The following FOXP2 variants were observed in gnomAD, a reference collection of about 807,000 sequenced individuals.
The protein encoded by FOXP2 is forkhead box protein P2.
A neutral mutation model predicts 115.8 loss-of-function variants in FOXP2; 12 were observed. The observed-to-expected ratio is 0.10, with a 90% confidence interval of 0.07 to 0.17. FOXP2 has a LOEUF of 0.17. Ranked by LOEUF, FOXP2 falls within the 10% of genes least tolerant of loss-of-function variation. The pLI, the probability that FOXP2 is intolerant of heterozygous loss-of-function variation, is 1.00. For missense variants in FOXP2, 629 were observed against 843.5 expected, an observed-to-expected ratio of 0.75 and a Z score of 3.15; for synonymous variants, 328 against 297.7, an observed-to-expected ratio of 1.10 and a Z score of -1.05.
intron 2 of FOXP2, among the ~76,000 whole-genome samples, chr7:114,428,756 T>G (rs1308290590): frequency 6.6e-6 from 1 of 151,528 alleles, no homozygotes; most frequent in African/African-American, 2.4e-5. Flanking sequence ...AACATATCTT[T>G]TCTATAAAAT....
intron 3 of FOXP2, among the ~76,000 whole-genome samples, chr7:114,611,932 G>A (rs1803650449): frequency 1.3e-5 from 2 of 152,066 alleles, no homozygotes; most frequent in African/African-American, 4.8e-5. Context: ...AGGTGAGGAG[G>A]TGGAGAGTAA....
chr7:114,276,493 C>T (rs1178139463), intron 1 of FOXP2, among the ~76,000 whole-genome samples: 1 of 152,036 alleles, frequency 6.6e-6, no homozygotes, highest in Non-Finnish European at 1.5e-5. Context: ...GGTTCTTTTT[C>T]CCCTCCCCCT....
intron 3 of FOXP2, among the ~76,000 whole-genome samples, chr7:114,559,077 C>T (rs1369485058): frequency 2.6e-5 from 4 of 151,958 alleles, no homozygotes; most frequent in Non-Finnish European, 4.4e-5. Context: ...AGCAAACATG[C>T]ATACAAGTAA....
intron 1 of FOXP2, among the ~76,000 whole-genome samples, chr7:114,267,708 C>G (rs1032697209): frequency 5.4e-5 from 8 of 148,326 alleles, no homozygotes; most frequent in African/African-American, 2.0e-4. Flanking sequence ...GCCTGGGAGA[C>G]AGAGCGAGAC....
At chr7:114,437,161 T>C (rs1794389051) in intron 2 of FOXP2, among the ~76,000 whole-genome samples, 1 of 152,224 alleles carries the variant, frequency 6.6e-6, no homozygotes, top group Non-Finnish European at 1.5e-5. Flanking sequence ...GGTATTTTAT[T>C]GTGGTTGATT....
chr7:114,654,248 C>T (rs890533347), intron 10 of FOXP2: 1 of 874,350 alleles, frequency 1.1e-6, no homozygotes, highest in Non-Finnish European at 1.6e-6. Context: ...TATCAGTGCA[C>T]AAATCACTGC....
chr7:114,393,342 C>CA (rs150167859), intron 2 of FOXP2, among the ~76,000 whole-genome samples: 10,490 of 151,490 alleles, frequency 0.069, 638 homozygotes, highest in East Asian at 0.34. Context: ...TTGCTTGTGG[C>CA]AAAAAAATGG....
At position 114,659,560 on chromosome 7, in the gene FOXP2, G is replaced by T. The variant is rs1806765343; in HGVS notation, c.1546-12G>T. 1 of 1,610,152 alleles carries T rather than the reference G, an allele frequency of 6.2e-7. No individual in the cohort carries two copies. The highest frequency in any genetic ancestry group is 8.5e-7 in the Non-Finnish European group (1 of 1,176,508). ...ATTATTTTATGTCACTATGTATCTT[G>T]TCTCATTTCAGGCTATCATGGAGTC... On this transcript the variant is annotated splice_polypyrimidine_tract_variant and intron_variant, in intron 12 of 16. Transcript: ENST00000350908.
rs187205209 is a variant in FOXP2 at position 114,512,910 on chromosome 7, C to T, written c.169-21707C>T. Among the ~76,000 whole-genome samples, 164 of 152,126 alleles carry T rather than the reference C, an allele frequency of 1.1e-3. 1 individual carries two copies. Among genetic ancestry groups the T allele is most frequent in the Non-Finnish European group, 1.3e-3 (85 of 67,992 alleles). Reference sequence around the variant, plus strand: ...CATCCTGGCAAACATGGTGAAACCCCGTTTCTACCAAAAATACAAAAATTA... The same window carrying T: ...CATCCTGGCAAACATGGTGAAACCCTGTTTCTACCAAAAATACAAAAATTA... On this transcript the variant is annotated intron_variant, in intron 2 of 16. Coordinates refer to ENST00000350908, the MANE Select transcript of FOXP2 (RefSeq NM_014491.4).
chr7:114,297,079 C>T (rs1796757003), intron 2 of FOXP2: 2 of 412,858 alleles, frequency 4.8e-6, no homozygotes, highest in Non-Finnish European at 4.8e-6. Flanking sequence ...GTCAAGCTGC[C>T]CTTTATTTCA....
intron 2 of FOXP2, among the ~76,000 whole-genome samples, chr7:114,532,665 A>T (rs1388578375): frequency 6.6e-6 from 1 of 151,894 alleles, no homozygotes; most frequent in Non-Finnish European, 1.5e-5. Context: ...GATCCTAAAC[A>T]GTGTTCAATA....
chr7:114,690,558 C>T lies in FOXP2; in HGVS notation c.*632C>T, dbSNP rs1401725527. ...AACACAGTAATTAGACTGTTGCAAC[C>T]ATCTAAAACCTTAGGCTTCCAGTCT... On this transcript the variant is annotated 3_prime_UTR_variant, in exon 17 of 17. Coordinates refer to ENST00000350908, the MANE Select transcript of FOXP2 (RefSeq NM_014491.4). The T allele has an allele frequency of 8.8e-6, 4 of 454,012 alleles. No homozygotes were observed. The Admixed American group carries it at 9.4e-5, about 11-fold the overall frequency. 28.1% of individuals were successfully genotyped at this position (454,012 alleles called of 1,614,324 possible).
At chr7:114,225,208 A>G (rs2084691599) in intron 1 of FOXP2, among the ~76,000 whole-genome samples, 1 of 151,946 alleles carries the variant, frequency 6.6e-6, no homozygotes, top group Non-Finnish European at 1.5e-5. Context: ...TACTTTAACA[A>G]TTTTATAGCA....
intron 2 of FOXP2, among the ~76,000 whole-genome samples, chr7:114,388,737 T>G (rs1792517336): frequency 6.6e-6 from 1 of 152,076 alleles, no homozygotes; most frequent in Admixed American, 6.5e-5. Context: ...CTTTCCAAGC[T>G]TCTTAACAAA....
At position 114,261,622 on chromosome 7, in the gene FOXP2, C is replaced by T. The variant is rs142829151; in HGVS notation, c.-101-26397C>T. ...ATTATTTCTCTCATCTGTTTGTCAT[C>T]TGTAAAATAAAACGGTTATAGAACC... On this transcript the variant is annotated intron_variant, in intron 1 of 17. Transcript: ENST00000634411. Among the ~76,000 whole-genome samples the T allele has an allele frequency of 3.3e-5, 5 of 152,210 alleles. No homozygotes were observed. The East Asian group carries it at 9.6e-4, about 29-fold the overall frequency.
chr7:114,277,898 T>A (rs1012113948), intron 1 of FOXP2, among the ~76,000 whole-genome samples: 75 of 151,810 alleles, frequency 4.9e-4, no homozygotes, highest in African/African-American at 1.7e-3. Flanking sequence ...CATGGTGGCA[T>A]GTGTCTAAAA....
intron 2 of FOXP2, among the ~76,000 whole-genome samples, chr7:114,404,517 T>C (rs1186247738): frequency 4.6e-5 from 7 of 152,090 alleles, no homozygotes; most frequent in Non-Finnish European, 1.0e-4. Context: ...TGTATATGTT[T>C]AATCTGTGGA....
At chr7:114,520,816 G>A (rs6969376) in intron 2 of FOXP2, among the ~76,000 whole-genome samples, 100,530 of 151,896 alleles carry the variant, frequency 0.66, 34,318 homozygotes, top group African/African-American at 0.83. Flanking sequence ...GGCATTCCAT[G>A]CAGTGAGTTG....
At chr7:114,238,744 C>A (rs185480226) in intron 1 of FOXP2, among the ~76,000 whole-genome samples, 1 of 151,344 alleles carries the variant, frequency 6.6e-6, no homozygotes, top group Non-Finnish European at 1.5e-5. Flanking sequence ...TGCACTCCAG[C>A]CTGGGCGACA....
Sources: gnomAD v4.1 joint callset for allele counts (sites outside exome capture counted in the v4.1 genomes callset) on GRCh38, gnomAD v4.1.1 for gene constraint, MANE v1.5 for transcripts, NCBI Gene and HGNC (gene_info 2026-07-23, HGNC 2026-07-21) for gene names.